The following SLC26A2 variants were observed in gnomAD, a reference collection of about 807,000 sequenced individuals.
SLC26A2 encodes the protein sulfate transporter.
SLC26A2 carries 36 observed loss-of-function variants against 41.1 expected under a neutral mutation model. The ratio of observed to expected loss-of-function variants is 0.88; its 90% confidence interval spans 0.67 to 1.16. SLC26A2 has a LOEUF of 1.16. Ranked by LOEUF, SLC26A2 falls within the 50% of genes most tolerant of loss-of-function variation. SLC26A2 has a pLI of 0.00. For synonymous variants in SLC26A2, 291 were observed against 311.6 expected (o/e 0.93, Z 0.70); for missense variants, 796 against 869.6 (o/e 0.92, Z 1.07).
chr5:149,963,117 TTTA>T (rs1754741564), intron 1 of SLC26A2, among the ~76,000 whole-genome samples: 2 of 151,666 alleles, frequency 1.3e-5, no homozygotes, highest in Non-Finnish European at 2.9e-5. Flanking sequence ...TATTTATTTA[TTTA>T]TTTTTTGAGA....
At chr5:149,961,238 C>T in intron 1 of SLC26A2, among the ~76,000 whole-genome samples, 1 of 152,158 alleles carries the variant, frequency 6.6e-6, no homozygotes, top group East Asian at 1.9e-4. Flanking sequence ...CCGCGTATCT[C>T]GCCGTATCTC....
chr5:149,979,066 A>G (rs1489629032), intron 2 of SLC26A2, among the ~76,000 whole-genome samples: 1 of 151,944 alleles, frequency 6.6e-6, no homozygotes, highest in East Asian at 1.9e-4. Flanking sequence ...TGATCTATTG[A>G]GCAACTCTTA....
rs1349920176 is a variant in SLC26A2 at position 149,980,911 on chromosome 5, C to G, written c.1318C>G (p.Leu440Val). 3 of 1,614,012 alleles carry G rather than the reference C, an allele frequency of 1.9e-6. No individual in the cohort carries two copies. In the Admixed American group the frequency reaches 5.0e-5, roughly 27 times the overall value. ...CCACTGTTTTACTACTAGTGCAGCT[C>G]TTGCAAAGACATTGGTTAAAGAATC... Reference protein sequence around the residue: ...FFHCFTTSAALAKTLVKESTG... With the variant: ...FFHCFTTSAAVAKTLVKESTG... The change falls in exon 3 of 3, where the codon CTT (leucine) becomes GTT (valine). Residue 440 changes from leucine (L) to valine (V), a missense_variant. By Grantham distance (32) the Leu-to-Val change is conservative. Transcript: ENST00000286298.
At chr5:149,970,560 A>G (rs1429437787) in intron 1 of SLC26A2, among the ~76,000 whole-genome samples, 1 of 152,202 alleles carries the variant, frequency 6.6e-6, no homozygotes, top group East Asian at 1.9e-4. Context: ...ACATACCTGT[A>G]TAGATCTGGG....
chr5:149,973,158 A>T (rs949344474), intron 1 of SLC26A2, among the ~76,000 whole-genome samples: 4 of 151,860 alleles, frequency 2.6e-5, no homozygotes, highest in South Asian at 2.1e-4. Context: ...ATCTCTATTT[A>T]AAAAAAATAA....
At position 149,983,247 on chromosome 5, in the gene SLC26A2, A is replaced by G. The variant is rs1755138266; in HGVS notation, c.*1434A>G. 6.6e-6 allele frequency: 1 copy of G among 152,018 alleles called. No homozygotes were observed. 9.4% of individuals were successfully genotyped at this position (152,018 alleles called of 1,614,324 possible). A position where few individuals can be genotyped will look rare whatever the true frequency, so the allele number is the denominator to read the frequency against. On this transcript the variant is annotated 3_prime_UTR_variant, in exon 3 of 3. Coordinates refer to ENST00000286298, the MANE Select transcript of SLC26A2 (RefSeq NM_000112.4). ...TATCCTATATAGATATATGTAACTTAGCTTTATTGTTAGCTCCATAAGCTG... is the reference window on the plus strand; with the variant it reads ...TATCCTATATAGATATATGTAACTTGGCTTTATTGTTAGCTCCATAAGCTG...
At position 149,980,753 on chromosome 5, in the gene SLC26A2, T is replaced by C; in HGVS notation, c.1160T>C (p.Ile387Thr). 4 of 1,613,852 alleles carry C rather than the reference T, an allele frequency of 2.5e-6. No homozygotes were observed. Among genetic ancestry groups the C allele is most frequent in the South Asian group, 1.1e-5 (1 of 91,080 alleles). The change falls in exon 3 of 3, where the codon ATA becomes ACA. Residue 387 changes from isoleucine to threonine, a missense_variant. Physicochemically the swap from Ile to Thr is moderately conservative, Grantham distance 89 (BLOSUM62 -1). Transcript: ENST00000286298. ...ATTCCTAGTGTGGCTGTAGATGCAA[T>C]AGCTATTTCCATCATTGGTTTTGCT... ...NLIPSVAVDA[I>T]AISIIGFAIT... is the part of the protein sequence containing the mutation.
intron 1 of SLC26A2, among the ~76,000 whole-genome samples, chr5:149,967,226 A>T (rs1422284498): frequency 6.6e-6 from 1 of 152,220 alleles, no homozygotes; most frequent in Admixed American, 6.5e-5. Flanking sequence ...TCCCCTTCAG[A>T]TAAGAATTAG....
At chr5:149,979,663 G>A in intron 2 of SLC26A2, among the ~76,000 whole-genome samples, 1 of 152,152 alleles carries the variant, frequency 6.6e-6, no homozygotes, top group East Asian at 1.9e-4. Flanking sequence ...ATTAATATGG[G>A]AGACAGTGTG....
chr5:149,974,870 C>T (rs1010222229), intron 1 of SLC26A2, among the ~76,000 whole-genome samples: 2 of 151,668 alleles, frequency 1.3e-5, no homozygotes, highest in African/African-American at 2.4e-5. Flanking sequence ...GGATTACAGG[C>T]GTGTGCCACC....
At chr5:149,973,182 AT>A (rs1256363734) in intron 1 of SLC26A2, among the ~76,000 whole-genome samples, 2 of 152,076 alleles carry the variant, frequency 1.3e-5, no homozygotes, top group Non-Finnish European at 2.9e-5. Flanking sequence ...TAATCAGAAA[AT>A]TTTAAAAAGA....
At chr5:149,974,831 T>G (rs1754965837) in intron 1 of SLC26A2, among the ~76,000 whole-genome samples, 1 of 150,468 alleles carries the variant, frequency 6.6e-6, no homozygotes, top group Non-Finnish European at 1.5e-5. Context: ...GTTCCAGCGA[T>G]TCTCCTGCCT....
At position 149,980,451 on chromosome 5, in the gene SLC26A2, C is replaced by A; in HGVS notation, c.858C>A (p.Leu286=). The change falls in exon 3 of 3, where the codon CTC becomes CTA. Residue 286 remains leucine (L), a synonymous_variant. Coordinates refer to ENST00000286298, the MANE Select transcript of SLC26A2 (RefSeq NM_000112.4). The part of the protein sequence containing the change: ...NLPRTNGVGS[L]ITTWIHVFRN... ...CTCGGACTAATGGTGTGGGCTCACT[C>A]ATCACTACCTGGATACATGTCTTCA... is the stretch of plus-strand genomic sequence containing the variant. 6.2e-7 allele frequency: 1 copy of A among 1,614,144 alleles called. No individual in the cohort carries two copies. Among genetic ancestry groups the A allele is most frequent in the Non-Finnish European group, 8.5e-7 (1 of 1,180,024 alleles).
intron 1 of SLC26A2, among the ~76,000 whole-genome samples, chr5:149,963,082 ATATT>A (rs141212500): frequency 0.43 from 59,510 of 137,482 alleles, 14,409 homozygotes; most frequent in Non-Finnish European, 0.55. Flanking sequence ...CAGTGGTGCT[ATATT>A]TATTTATTTA....
At chr5:149,971,596 C>T (rs1363613434) in intron 1 of SLC26A2, among the ~76,000 whole-genome samples, 2 of 151,990 alleles carry the variant, frequency 1.3e-5, no homozygotes, top group South Asian at 4.2e-4. Context: ...AATGGGTTTT[C>T]ATCATGTTGC....
intron 1 of SLC26A2, among the ~76,000 whole-genome samples, chr5:149,963,577 T>A (rs1264811120): frequency 6.6e-6 from 1 of 151,708 alleles, no homozygotes; most frequent in Non-Finnish European, 1.5e-5. Context: ...GCGCCTGGCC[T>A]AATTTTTTGT....
Position 149,980,463 on chromosome 5 carries a change from G to A in SLC26A2, c.870G>A (p.Trp290Ter), listed in dbSNP as rs772394901. 6.2e-7 allele frequency: 1 copy of A among 1,614,060 alleles called. No individual in the cohort carries two copies. The highest frequency in any genetic ancestry group is 1.1e-5 in the South Asian group (1 of 91,072). Residue 290 changes from tryptophan to a stop codon, truncating the protein, a stop_gained, in exon 3 of 3, where the codon TGG (tryptophan) becomes TGA (stop). Coordinates refer to ENST00000286298, the MANE Select transcript of SLC26A2 (RefSeq NM_000112.4). LOFTEE classifies it high-confidence loss of function. ...TNGVGSLITT[W>*]IHVFRNIHKT... is the part of the protein sequence containing the mutation. ...GTGTGGGCTCACTCATCACTACCTG[G>A]ATACATGTCTTCAGAAACATCCATA...
In SLC26A2 at chr5:149,985,544, G is replaced by A. The variant is rs1254972127; in HGVS notation, c.*3731G>A. ...CAATATTCCCATTGACCACTTAAAT[G>A]ACCATAAGTGGTCATTTAAGAACAT... On this transcript the variant is annotated 3_prime_UTR_variant, in exon 3 of 3. Coordinates refer to ENST00000286298, the MANE Select transcript of SLC26A2 (RefSeq NM_000112.4). 6.6e-6 allele frequency: 1 copy of A among 152,112 alleles called. No individual in the cohort carries two copies. The allele number at this position is 152,112 out of a possible 1,614,324, so 9.4% of individuals were successfully genotyped here.
intron 1 of SLC26A2, among the ~76,000 whole-genome samples, chr5:149,963,738 CTTTTTTTTTT>C (rs761075019): frequency 1.3e-5 from 1 of 78,266 alleles, no homozygotes; most frequent in African/African-American, 6.2e-5. Flanking sequence ...ATTTGTTTAA[CTTTTTTTTTT>C]TTTTTTTTTT....
Sources: allele counts gnomAD v4.1 joint callset (sites outside exome capture counted in the v4.1 genomes callset), GRCh38; gene constraint gnomAD v4.1.1; transcripts MANE v1.5; gene names NCBI Gene and HGNC (gene_info 2026-07-23, HGNC 2026-07-21).